Variants in PPP2R3A observed in about 807,000 individuals in gnomAD.
PPP2R3A encodes the protein protein phosphatase 2 regulatory subunit B''alpha, also known as serine/threonine-protein phosphatase 2A regulatory subunit B'' subunit alpha.
In PPP2R3A, 80 loss-of-function variants were observed where a neutral mutation model predicts 106.9. The ratio of observed to expected loss-of-function variants is 0.75; its 90% CI spans 0.62 to 0.90. PPP2R3A has a LOEUF of 0.90. Among genes scored for constraint, PPP2R3A ranks in the 40% least tolerant of loss-of-function variants. The pLI is 0.00. For missense variants in PPP2R3A, 1,386 were observed against 1,350.4 expected (o/e 1.03, Z -0.41); for synonymous variants, 483 against 468.3 (o/e 1.03, Z -0.41).
chr3:136,001,527 G>A lies in PPP2R3A; in HGVS notation c.29G>A (p.Ser10Asn). 4 of 1,614,154 alleles carry A rather than the reference G, an allele frequency of 2.5e-6. 1 individual carries two copies. Among genetic ancestry groups the A allele is most frequent in the South Asian group, 2.2e-5 (2 of 91,070 alleles). The change falls in exon 2 of 14, where the codon AGT becomes AAT. Residue 10 changes from serine (S) to asparagine (N), a missense_variant. By Grantham distance (46) the Ser-to-Asn change is conservative (BLOSUM62 1). Transcript: ENST00000264977. MAATYRLVV[S>N]TVNHYSSVVI... ...GCAGCAACTTACAGACTTGTGGTTA[G>A]TACTGTGAACCACTACAGCAGCGTG...
intron 2 of PPP2R3A, chr3:136,023,282 A>T: frequency 1.6e-6 from 2 of 1,229,376 alleles, no homozygotes; most frequent in South Asian, 1.4e-5. Context: ...CCATCCAGTG[A>T]ACTAACTCAC....
intron 10 of PPP2R3A, among the ~76,000 whole-genome samples, chr3:136,094,207 G>T (rs1297185917): frequency 6.6e-6 from 1 of 152,190 alleles, no homozygotes; most frequent in African/African-American, 2.4e-5. Flanking sequence ...TGCCTAATCC[G>T]TGGAGAGCCT....
At chr3:136,048,704 A>G (rs1011844443) in intron 4 of PPP2R3A, among the ~76,000 whole-genome samples, 13 of 152,012 alleles carry the variant, frequency 8.6e-5, no homozygotes, top group Non-Finnish European at 1.5e-4. Context: ...ACTTTAGCCT[A>G]CTTGACAGAA....
chr3:136,096,584 T>C (rs1937220612), intron 10 of PPP2R3A, among the ~76,000 whole-genome samples: 1 of 152,264 alleles, frequency 6.6e-6, no homozygotes, highest in African/African-American at 2.4e-5. Flanking sequence ...CCAGGAGCTA[T>C]TTCATTCACC....
chr3:136,125,482 C>T (rs1471769903), intron 13 of PPP2R3A, among the ~76,000 whole-genome samples: 1 of 152,204 alleles, frequency 6.6e-6, no homozygotes, highest in African/African-American at 2.4e-5. Context: ...AAGCCAGTAT[C>T]ACCCTAATAT....
chr3:135,993,726 G>T (rs564866040), intron 1 of PPP2R3A, among the ~76,000 whole-genome samples: 6 of 152,224 alleles, frequency 3.9e-5, no homozygotes, highest in Admixed American at 6.5e-5. Flanking sequence ...ACAAATTCTG[G>T]TACATTCATA....
intron 5 of PPP2R3A, among the ~76,000 whole-genome samples, chr3:136,062,895 T>C (rs1156686791): frequency 6.6e-6 from 1 of 152,126 alleles, no homozygotes; most frequent in African/African-American, 2.4e-5. Flanking sequence ...GCCAATGACT[T>C]TCTTCACAGA....
chr3:136,057,285 G>T (rs936285853), intron 5 of PPP2R3A, among the ~76,000 whole-genome samples: 4 of 152,068 alleles, frequency 2.6e-5, no homozygotes, highest in African/African-American at 9.7e-5. Context: ...CCAATCAATG[G>T]ATGAAGAAAA....
intron 13 of PPP2R3A, among the ~76,000 whole-genome samples, chr3:136,137,906 C>T (rs1208501066): frequency 6.6e-6 from 1 of 152,070 alleles, no homozygotes; most frequent in Non-Finnish European, 1.5e-5. Context: ...TAAAGAAAGC[C>T]AGCCAGAAAC....
chr3:136,137,325 A>G (rs1454237847), intron 13 of PPP2R3A, among the ~76,000 whole-genome samples: 2 of 152,046 alleles, frequency 1.3e-5, no homozygotes, highest in Non-Finnish European at 2.9e-5. Flanking sequence ...AGGGATAACC[A>G]TTATTTTATA....
chr3:136,091,505 T>C (rs894735721), intron 10 of PPP2R3A, among the ~76,000 whole-genome samples: 1 of 152,098 alleles, frequency 6.6e-6, no homozygotes, highest in African/African-American at 2.4e-5. Flanking sequence ...TAGTCCTAGC[T>C]ACTCGAGAAG....
chr3:136,079,087 G>T (rs1418348022), intron 7 of PPP2R3A: 26 of 399,576 alleles, frequency 6.5e-5, no homozygotes, highest in Admixed American at 1.5e-4. Flanking sequence ...ATACTAAATG[G>T]AATTTAGGCT....
chr3:136,039,530 C>T (rs1935190418), intron 3 of PPP2R3A, among the ~76,000 whole-genome samples: 1 of 152,118 alleles, frequency 6.6e-6, no homozygotes, highest in African/African-American at 2.4e-5. Flanking sequence ...CTCAGGCATG[C>T]GTTAGATAGA....
At chr3:136,123,506 AGT>A (rs771676247) in intron 13 of PPP2R3A, among the ~76,000 whole-genome samples, 61 of 152,328 alleles carry the variant, frequency 4.0e-4, no homozygotes, top group South Asian at 1.9e-3. Context: ...AACCCAAAAA[AGT>A]GACAAAATTC....
intron 12 of PPP2R3A, among the ~76,000 whole-genome samples, 193 bp from the exon 13 acceptor site, chr3:136,106,023 C>CAGTT (rs1937506928): frequency 6.6e-6 from 1 of 152,054 alleles, no homozygotes; most frequent in Non-Finnish European, 1.5e-5. Flanking sequence ...GGCTGCTAAA[C>CAGTT]AGTTATAATT....
intron 5 of PPP2R3A, among the ~76,000 whole-genome samples, chr3:136,054,872 G>A (rs1935809664): frequency 6.6e-6 from 1 of 152,150 alleles, no homozygotes; most frequent in African/African-American, 2.4e-5. Flanking sequence ...GCAAAGAAAT[G>A]CATTAATTCA....
rs754076893 is a variant in PPP2R3A, at chr3:136,082,399, T to C, written c.2766T>C (p.Asp922=). The C allele has an allele frequency of 5.0e-6, 8 of 1,613,936 alleles. No individual in the cohort carries two copies. In the East Asian group the frequency reaches 1.8e-4, roughly 36 times the overall value. The part of the protein sequence containing the change: ...TDHDLYISQA[D]LSRYNDQASS... ...ACGACCTCTACATCAGCCAGGCCGA[T>C]CTGTCTCGATACAATGACCAGGGTA... is the stretch of plus-strand genomic sequence containing the variant. The change falls in exon 8 of 14, where the codon GAT becomes GAC. Residue 922 remains aspartate, a synonymous_variant. Coordinates refer to ENST00000264977, the MANE Select transcript of PPP2R3A (RefSeq NM_002718.5).
chr3:136,084,934 T>G (rs1319261965), intron 8 of PPP2R3A, among the ~76,000 whole-genome samples: 1 of 152,230 alleles, frequency 6.6e-6, no homozygotes, highest in Non-Finnish European at 1.5e-5. Context: ...CTAACTTGCT[T>G]TTGATTTTAC....
chr3:136,003,452 A>G lies in PPP2R3A; in HGVS notation c.1954A>G (p.Thr652Ala), dbSNP rs950841993. The G allele has an allele frequency of 4.3e-6, 7 of 1,612,946 alleles. No homozygotes were observed. The Middle Eastern group carries it at 4.9e-4, about 114-fold the overall frequency. Reference sequence around the variant, plus strand: ...TGTTGGTGATAAAGCCAAAGATACTACTTCAGCAGTTTTGATTCAGCAGAC... The same window carrying G: ...TGTTGGTGATAAAGCCAAAGATACTGCTTCAGCAGTTTTGATTCAGCAGAC... Reference protein sequence around the residue: ...SPVGDKAKDTTSAVLIQQTPE... With the variant: ...SPVGDKAKDTASAVLIQQTPE... The change falls in exon 2 of 14, where the codon ACT (threonine) becomes GCT (alanine). Residue 652 changes from threonine (T) to alanine (A), a missense_variant. Coordinates refer to ENST00000264977, the MANE Select transcript of PPP2R3A (RefSeq NM_002718.5).
Sources: gnomAD v4.1 joint callset for allele counts (sites outside exome capture counted in the v4.1 genomes callset) on GRCh38, gnomAD v4.1.1 for gene constraint, MANE v1.5 for transcripts, NCBI Gene and HGNC (gene_info 2026-07-23, HGNC 2026-07-21) for gene names.